KCNN2: variants seen among roughly 807,000 people sequenced by gnomAD.
KCNN2 encodes the protein small conductance calcium-activated potassium channel protein 2.
In KCNN2, 24 loss-of-function variants were observed where a neutral mutation model predicts 55.5. The observed-to-expected ratio is 0.43, with a 90% CI of 0.31 to 0.61. The LOEUF is 0.61. KCNN2 is among the 20% of genes least tolerant of loss of function. The pLI is 0.08. For synonymous variants in KCNN2, 431 were observed against 336.1 expected (o/e 1.28, Z -3.09); for missense variants, 754 against 853.6 (o/e 0.88, Z 1.45).
At chr5:114,196,237 G>T (rs972347335) in intron 1 of KCNN2, among the ~76,000 whole-genome samples, 3 of 151,570 alleles carry the variant, frequency 2.0e-5, no homozygotes, top group South Asian at 2.1e-4. Context: ...GTGTATACTG[G>T]TTTTTTTAAT....
intron 1 of KCNN2, among the ~76,000 whole-genome samples, chr5:114,114,642 T>C (rs1751676419): frequency 6.6e-6 from 1 of 152,102 alleles, no homozygotes; most frequent in African/African-American, 2.4e-5. Context: ...AATGGAGTGA[T>C]TGTACAGTTT....
chr5:114,237,256 T>TCACACACACA (rs10643853), intron 2 of KCNN2, among the ~76,000 whole-genome samples: 1,514 of 138,572 alleles, frequency 0.011, 12 homozygotes, highest in East Asian at 0.034. Flanking sequence ...TTGTCAAAAT[T>TCACACACACA]CACACACACA....
chr5:114,474,501 C>T (rs1761884675), intron 5 of KCNN2, among the ~76,000 whole-genome samples: 1 of 152,098 alleles, frequency 6.6e-6, no homozygotes, highest in South Asian at 2.1e-4. Flanking sequence ...GTGAACATCC[C>T]TGTATGAGAG....
chr5:114,174,890 C>T (rs1753105747), intron 1 of KCNN2, among the ~76,000 whole-genome samples: 1 of 152,098 alleles, frequency 6.6e-6, no homozygotes, highest in African/African-American at 2.4e-5. Flanking sequence ...TCATTTGAGC[C>T]CTTAGTATAT....
intron 2 of KCNN2, among the ~76,000 whole-genome samples, chr5:114,373,307 A>T (rs990383247): frequency 2.0e-5 from 3 of 152,006 alleles, no homozygotes; most frequent in Non-Finnish European, 4.4e-5. Flanking sequence ...TCCCTTTTGA[A>T]TAGTTAAAAA....
At chr5:114,357,208 T>C (rs1216834023), upstream of KCNN2, among the ~76,000 whole-genome samples, 1 of 151,636 alleles carries the variant, frequency 6.6e-6, no homozygotes, top group Admixed American at 6.6e-5. Flanking sequence ...AGACATAGCA[T>C]AGACAATACT....
At position 114,496,083 on chromosome 5, in the gene KCNN2, C is replaced by T. The variant is rs762319727; in HGVS notation, c.2277C>T (p.Tyr759=). Reference sequence around the variant, plus strand: ...TCATTGAGGCTCAGATGGAGAGCTACGACAAGCACGTCACTTACAATGCTG... The same window carrying T: ...TCATTGAGGCTCAGATGGAGAGCTATGACAAGCACGTCACTTACAATGCTG... The part of the protein sequence containing the change: ...RDFIEAQMES[Y]DKHVTYNAER... The change falls in exon 8 of 8, where the codon TAC becomes TAT. Residue 759 remains tyrosine, a synonymous_variant. Transcript: ENST00000673685. 2.2e-5 allele frequency: 35 copies of T among 1,613,932 alleles called. No individual in the cohort carries two copies. The highest frequency in any genetic ancestry group is 2.7e-5 in the Non-Finnish European group (32 of 1,179,976).
chr5:114,423,356 C>A (rs1008151815), intron 3 of KCNN2, among the ~76,000 whole-genome samples: 2 of 151,970 alleles, frequency 1.3e-5, no homozygotes, highest in South Asian at 4.1e-4. Context: ...AAAAAAGACA[C>A]AAGAAGAAAA....
chr5:114,237,256 T>TCA (rs10643853), intron 2 of KCNN2, among the ~76,000 whole-genome samples: 40,926 of 138,324 alleles, frequency 0.3, 6,021 homozygotes, highest in Middle Eastern at 0.34. Context: ...TTGTCAAAAT[T>TCA]CACACACACA....
At chr5:114,282,148 T>C (rs1380239183) in intron 2 of KCNN2, among the ~76,000 whole-genome samples, 1 of 152,142 alleles carries the variant, frequency 6.6e-6, no homozygotes, top group Non-Finnish European at 1.5e-5. Context: ...TCACTAGGTT[T>C]CATTTTTTAT....
intron 1 of KCNN2, among the ~76,000 whole-genome samples, chr5:114,077,692 G>A (rs1750710423): frequency 6.6e-6 from 1 of 152,194 alleles, no homozygotes; most frequent in Non-Finnish European, 1.5e-5. Flanking sequence ...CTGCCTGAGG[G>A]AGGAGTACAG....
At chr5:114,285,886 TAAGGTTCTG>T (rs1358368769) in intron 2 of KCNN2, among the ~76,000 whole-genome samples, 2 of 151,546 alleles carry the variant, frequency 1.3e-5, no homozygotes, top group Non-Finnish European at 2.9e-5. Context: ...TCCAGATTTT[TAAGGTTCTG>T]AGGCACCTAC....
chr5:114,079,200 A>G (rs1580491646), intron 1 of KCNN2, among the ~76,000 whole-genome samples: 1 of 152,324 alleles, frequency 6.6e-6, no homozygotes, highest in South Asian at 2.1e-4. Context: ...TGCTTCATCA[A>G]TCCAGAGAAA....
At chr5:114,438,938 T>C (rs1480119264) in intron 3 of KCNN2, among the ~76,000 whole-genome samples, 1 of 152,186 alleles carries the variant, frequency 6.6e-6, no homozygotes, top group East Asian at 1.9e-4. Flanking sequence ...CTTTCTGTGG[T>C]GTCATTATAA....
intron 2 of KCNN2, among the ~76,000 whole-genome samples, chr5:114,326,425 T>G (rs1030172772): frequency 2.0e-5 from 3 of 152,104 alleles, no homozygotes; most frequent in African/African-American, 7.2e-5. Context: ...GAGCTTCTGC[T>G]GGATTGGGAA....
intron 1 of KCNN2, among the ~76,000 whole-genome samples, chr5:114,092,866 C>A (rs1751173151): frequency 6.6e-6 from 1 of 152,178 alleles, no homozygotes; most frequent in Admixed American, 6.5e-5. Context: ...TTGGGCCTGG[C>A]CCATGAAACT....
At chr5:114,218,098 T>C (rs1754046210) in intron 1 of KCNN2, among the ~76,000 whole-genome samples, 1 of 152,196 alleles carries the variant, frequency 6.6e-6, no homozygotes, top group African/African-American at 2.4e-5. Context: ...CAATACCAAA[T>C]GCTGACAAGG....
intron 2 of KCNN2, among the ~76,000 whole-genome samples, chr5:114,346,325 AG>A (rs1259594538): frequency 1.3e-5 from 2 of 152,214 alleles, no homozygotes; most frequent in Admixed American, 6.5e-5. Context: ...AAGATTTGGC[AG>A]GGACATAGAT....
intron 2 of KCNN2, among the ~76,000 whole-genome samples, chr5:114,293,344 T>C (rs1199858603): frequency 3.9e-5 from 6 of 152,176 alleles, no homozygotes; most frequent in Non-Finnish European, 5.9e-5. Context: ...TAGATAGCTC[T>C]TATTATTTTG....
Sources: allele counts gnomAD v4.1 joint callset (sites outside exome capture counted in the v4.1 genomes callset), GRCh38; gene constraint gnomAD v4.1.1; transcripts MANE v1.5; gene names NCBI Gene and HGNC (gene_info 2026-07-23, HGNC 2026-07-21).